The following CCDC60 variants were observed in gnomAD, a reference collection of about 807,000 sequenced individuals.
CCDC60 encodes the protein coiled-coil domain containing 60.
In CCDC60, 54 loss-of-function variants were observed where a neutral mutation model predicts 63.5. That is an observed-to-expected ratio of 0.85 (90% confidence interval 0.68 to 1.07). The LOEUF (loss-of-function observed/expected upper bound fraction) is 1.07. CCDC60 is among the 50% of genes least tolerant of loss of function. CCDC60 has a pLI of 0.00. For missense variants in CCDC60, 651 were observed against 684.3 expected, an observed-to-expected ratio of 0.95 and a Z score of 0.54; for synonymous variants, 206 against 238.8, an observed-to-expected ratio of 0.86 and a Z score of 1.27.
intron 1 of CCDC60, among the ~76,000 whole-genome samples, chr12:119,398,380 G>A (rs1244302583): frequency 6.6e-6 from 1 of 152,144 alleles, no homozygotes; most frequent in Admixed American, 6.5e-5. Context: ...TGCTGGCCTG[G>A]GAGCATGGCA....
intron 9 of CCDC60, 147 bp downstream of exon 9, chr12:119,520,339 C>A (rs1035286433): frequency 4.6e-6 from 3 of 648,296 alleles, no homozygotes; most frequent in Non-Finnish European, 8.0e-6. Flanking sequence ...TAGAAACAAG[C>A]CCCTTTACTG....
At chr12:119,514,811 C>T (rs1952312709) in intron 7 of CCDC60, among the ~76,000 whole-genome samples, 4 of 152,188 alleles carry the variant, frequency 2.6e-5, no homozygotes, top group Non-Finnish European at 4.4e-5. Context: ...CTCACTGACT[C>T]ACCTAGAGCA....
At chr12:119,497,358 T>C (rs956383906) in intron 5 of CCDC60, among the ~76,000 whole-genome samples, 1 of 152,198 alleles carries the variant, frequency 6.6e-6, no homozygotes, top group South Asian at 2.1e-4. Flanking sequence ...ATCTTCCTTT[T>C]TGGGTTATTT....
chr12:119,495,749 G>A (rs933777094), intron 5 of CCDC60, among the ~76,000 whole-genome samples: 1 of 152,156 alleles, frequency 6.6e-6, no homozygotes, highest in Non-Finnish European at 1.5e-5. Flanking sequence ...CCAGGCACTA[G>A]TGGGAATACT....
intron 1 of CCDC60, chr12:119,402,258 G>C (rs1409233345): frequency 6.6e-6 from 1 of 152,204 alleles, no homozygotes; most frequent in African/African-American, 2.4e-5. Context: ...ACCCTGGCTG[G>C]TGAACTCAGG....
At chr12:119,430,757 G>A (rs981757914) in intron 2 of CCDC60, among the ~76,000 whole-genome samples, 1 of 151,888 alleles carries the variant, frequency 6.6e-6, no homozygotes, top group Non-Finnish European at 1.5e-5. Context: ...AGGAGAAACC[G>A]ACCCTGCTGG....
intron 1 of CCDC60, among the ~76,000 whole-genome samples, chr12:119,357,833 G>C (rs1448308212): frequency 6.6e-6 from 1 of 152,180 alleles, no homozygotes; most frequent in African/African-American, 2.4e-5. Flanking sequence ...AAATACCTGA[G>C]ACTGAATAAT....
At chr12:119,530,467 C>A (rs1027801201) in intron 12 of CCDC60, among the ~76,000 whole-genome samples, 1 of 152,118 alleles carries the variant, frequency 6.6e-6, no homozygotes, top group Admixed American at 6.5e-5. Context: ...AAAATACACA[C>A]ACACACCGTC....
intron 1 of CCDC60, among the ~76,000 whole-genome samples, chr12:119,394,519 C>T (rs1452835646): frequency 6.6e-6 from 1 of 152,188 alleles, no homozygotes; most frequent in Non-Finnish European, 1.5e-5. Context: ...CCAGGCATCC[C>T]CTAAAAGCAC....
At chr12:119,359,680 G>GCCTTCC (rs1555231526) in intron 1 of CCDC60, among the ~76,000 whole-genome samples, 3,855 of 151,932 alleles carry the variant, frequency 0.025, 54 homozygotes, top group Non-Finnish European at 0.035. Flanking sequence ...GGACCCTGCG[G>GCCTTCC]CCTTCCGCAG....
chr12:119,445,334 T>C (rs1158702700), intron 2 of CCDC60, among the ~76,000 whole-genome samples: 1 of 146,988 alleles, frequency 6.8e-6, no homozygotes, highest in Middle Eastern at 3.4e-3. Context: ...CTCGGGAGGC[T>C]GAGGTGGGAG....
intron 5 of CCDC60, among the ~76,000 whole-genome samples, chr12:119,499,605 T>C (rs1277569782): frequency 6.6e-6 from 1 of 152,168 alleles, no homozygotes; most frequent in Non-Finnish European, 1.5e-5. Flanking sequence ...CTCCAATCAG[T>C]GATTTTCATT....
intron 1 of CCDC60, among the ~76,000 whole-genome samples, chr12:119,409,530 G>A (rs1956555261): frequency 6.6e-6 from 1 of 152,084 alleles, no homozygotes; most frequent in South Asian, 2.1e-4. Flanking sequence ...CTTAATGAAT[G>A]ACATCTTTAT....
chr12:119,453,829 GGAA>G (rs1297030578), intron 2 of CCDC60, among the ~76,000 whole-genome samples: 1 of 152,000 alleles, frequency 6.6e-6, no homozygotes, highest in Non-Finnish European at 1.5e-5. Context: ...AGAAGGAAGA[GGAA>G]GAGGAGGAGG....
chr12:119,483,348 C>T (rs1452181107), intron 4 of CCDC60, among the ~76,000 whole-genome samples: 3 of 152,198 alleles, frequency 2.0e-5, no homozygotes, highest in Non-Finnish European at 2.9e-5. Context: ...CCTGTGTGAT[C>T]GATCCCAAAA....
chr12:119,401,736 C>A (rs1392100901), intron 1 of CCDC60, among the ~76,000 whole-genome samples: 1 of 152,188 alleles, frequency 6.6e-6, no homozygotes, highest in African/African-American at 2.4e-5. Flanking sequence ...AATATTCAAC[C>A]ATCACATTTC....
chr12:119,373,098 G>A (rs1019310164), intron 1 of CCDC60, among the ~76,000 whole-genome samples: 2 of 152,176 alleles, frequency 1.3e-5, no homozygotes, highest in Non-Finnish European at 2.9e-5. Flanking sequence ...GCAATGTCAG[G>A]TTTAAGCTGC....
intron 2 of CCDC60, among the ~76,000 whole-genome samples, chr12:119,435,477 T>A (rs975950196): frequency 6.6e-6 from 1 of 152,216 alleles, no homozygotes; most frequent in Non-Finnish European, 1.5e-5. Flanking sequence ...ATGACTGGTC[T>A]ATGGCTGGAA....
intron 4 of CCDC60, among the ~76,000 whole-genome samples, chr12:119,482,746 T>C (rs1951355005): frequency 6.6e-6 from 1 of 151,950 alleles, no homozygotes. Context: ...GTCAGCAGGG[T>C]GGTTCTGCTG....
Sources: allele counts gnomAD v4.1 joint callset (sites outside exome capture counted in the v4.1 genomes callset), GRCh38; gene constraint gnomAD v4.1.1; transcripts MANE v1.5; gene names NCBI Gene and HGNC (gene_info 2026-07-23, HGNC 2026-07-21).